ZNF609: variants seen among roughly 807,000 people sequenced by gnomAD.
ZNF609 encodes the protein zinc finger protein 609.
A neutral mutation model predicts 109.5 loss-of-function variants in ZNF609; 11 were observed. The observed-to-expected ratio is 0.10, with a 90% CI of 0.06 to 0.17. ZNF609 has a LOEUF of 0.17. ZNF609 is among the 10% of genes least tolerant of loss of function. ZNF609 has a pLI of 1.00. For missense variants in ZNF609, 1,559 were observed against 1,772.4 expected (o/e 0.88, Z 2.16); for synonymous variants, 646 against 662.0 (o/e 0.98, Z 0.37).
At chr15:64,563,336 GC>G (rs1173309331) in intron 2 of ZNF609, among the ~76,000 whole-genome samples, 1 of 282 alleles carries the variant, frequency 3.5e-3, no homozygotes, top group African/African-American at 8.9e-3. Context: ...TGTAGTCCCA[GC>G]TCCCTCGGGA....
chr15:64,594,453 C>T (rs1895356592), intron 2 of ZNF609, among the ~76,000 whole-genome samples: 1 of 151,842 alleles, frequency 6.6e-6, no homozygotes, highest in South Asian at 2.1e-4. Context: ...TCACCTCAGC[C>T]ACCTCAGTAG....
intron 2 of ZNF609, among the ~76,000 whole-genome samples, chr15:64,570,715 T>C (rs1215311033): frequency 6.6e-6 from 1 of 152,168 alleles, no homozygotes; most frequent in Non-Finnish European, 1.5e-5. Flanking sequence ...TGTTATGTTT[T>C]TTTGGATTAG....
intron 2 of ZNF609, among the ~76,000 whole-genome samples, chr15:64,527,412 G>A (rs1893982979): frequency 6.6e-6 from 1 of 150,444 alleles, no homozygotes; most frequent in Non-Finnish European, 1.5e-5. Flanking sequence ...TATTCTCAGT[G>A]TTAAGACCAG....
rs1164828407 is a variant in ZNF609 at position 64,675,347 on chromosome 15, T to G, written c.2493T>G (p.Asn831Lys). Reference protein sequence around the residue: ...PLTPLHVVTQNGAEASSVKTN... With the variant: ...PLTPLHVVTQKGAEASSVKTN... Reference sequence around the variant, plus strand: ...CTCCCTTACATGTGGTGACCCAGAATGGAGCTGAAGCCAGCTCAGTCAAAA... The same window carrying G: ...CTCCCTTACATGTGGTGACCCAGAAGGGAGCTGAAGCCAGCTCAGTCAAAA... Residue 831 changes from asparagine to lysine, a missense_variant, in exon 5 of 10, where the codon AAT becomes AAG. Coordinates refer to ENST00000326648, the MANE Select transcript of ZNF609 (RefSeq NM_015042.2). 6.2e-7 allele frequency: 1 copy of G among 1,613,998 alleles called. No individual in the cohort carries two copies.
rs550923589 is a variant in ZNF609, at chr15:64,518,062, G to A, written c.747+17896G>A. On this transcript the variant is annotated intron_variant, in intron 2 of 9. Coordinates refer to ENST00000326648, the MANE Select transcript of ZNF609 (RefSeq NM_015042.2). ...CTCCCAAAGTGCTGGGATTACAAGC[G>A]TGAGCCATCGTGCTGGGTTCCTGGA... Among the ~76,000 whole-genome samples the A allele has an allele frequency of 3.9e-5, 6 of 152,324 alleles. No individual in the cohort carries two copies. In the South Asian group the frequency reaches 1.2e-3, roughly 32 times the overall value.
intron 2 of ZNF609, among the ~76,000 whole-genome samples, chr15:64,519,043 A>G (rs1034516840): frequency 1.3e-5 from 2 of 150,122 alleles, no homozygotes; most frequent in African/African-American, 4.9e-5. Context: ...TTACACTATT[A>G]AAATTATAAA....
At chr15:64,618,253 C>T (rs1241721055) in intron 2 of ZNF609, among the ~76,000 whole-genome samples, 1 of 152,102 alleles carries the variant, frequency 6.6e-6, no homozygotes, top group Non-Finnish European at 1.5e-5. Context: ...GGAAAAGTTC[C>T]CTTGTCCCCC....
rs571918335 is a variant in ZNF609, at chr15:64,547,267, A to G, written c.747+47101A>G. Among the ~76,000 whole-genome samples, 3 of 152,192 alleles carry G rather than the reference A, an allele frequency of 2.0e-5. No individual in the cohort carries two copies. In the East Asian group the frequency reaches 5.8e-4, roughly 29 times the overall value. On this transcript the variant is annotated intron_variant, in intron 2 of 9. Transcript: ENST00000326648. ...TTTCCTAGGCTTTTTGGAGATAGTC[A>G]TGGTGTTAATATTGGACTTACTCAA...
chr15:64,489,583 G>C (rs1402074073), intron 1 of ZNF609, among the ~76,000 whole-genome samples: 4 of 145,530 alleles, frequency 2.7e-5, no homozygotes, highest in Non-Finnish European at 6.0e-5. Context: ...AGGCTGGAGT[G>C]CAGAGGCGTG....
chr15:64,460,807 C>T lies in ZNF609; in HGVS notation c.-159C>T. On this transcript the variant is annotated 5_prime_UTR_variant, in exon 1 of 10. Transcript: ENST00000326648. The stretch of plus-strand genomic sequence containing the variant: ...TCTACGGCCCGGGGCCCCGGGCGGG[C>T]GGAGGTGGCGGCTCCCGGGACCGGC... 1 of 146,370 alleles carries T rather than the reference C, an allele frequency of 6.8e-6. No homozygotes were observed. The highest frequency in any genetic ancestry group is 1.5e-5 in the Non-Finnish European group (1 of 66,746). 9.1% of individuals were successfully genotyped at this position (146,370 alleles called of 1,614,324 possible).
intron 4 of ZNF609, among the ~76,000 whole-genome samples, chr15:64,672,253 C>A (rs555722376): frequency 6.7e-6 from 1 of 149,566 alleles, no homozygotes; most frequent in Non-Finnish European, 1.5e-5. Context: ...ACCTCGTGAT[C>A]CTCCCGCCTC....
chr15:64,548,236 G>A (rs1000770218), intron 2 of ZNF609, among the ~76,000 whole-genome samples: 3 of 152,168 alleles, frequency 2.0e-5, no homozygotes, highest in African/African-American at 7.2e-5. Context: ...GCCTTACCAA[G>A]TTGCATAATT....
At position 64,674,988 on chromosome 15, in the gene ZNF609, G is replaced by C. The variant is rs1233171815; in HGVS notation, c.2134G>C (p.Gly712Arg). The C allele has an allele frequency of 6.2e-7, 1 of 1,613,998 alleles. No homozygotes were observed. Among genetic ancestry groups the C allele is most frequent in the Non-Finnish European group, 8.5e-7 (1 of 1,180,032 alleles). Reference sequence around the variant, plus strand: ...CATTCAGCCCAAGCCCACTGTTATGGGAGAACCTTTCACAGTCAACCCTGC... The same window carrying C: ...CATTCAGCCCAAGCCCACTGTTATGCGAGAACCTTTCACAGTCAACCCTGC... ...KPIQPKPTVM[G>R]EPFTVNPALT... The change falls in exon 5 of 10, where the codon GGA becomes CGA. Residue 712 changes from glycine (G) to arginine (R), a missense_variant. Physicochemically the swap from Gly to Arg is moderately radical, Grantham distance 125 (BLOSUM62 -2). This residue lies in a region of ZNF609 where 1,204 missense variants were observed against 1,314.1 expected (regional missense o/e 0.92). Coordinates refer to ENST00000326648, the MANE Select transcript of ZNF609 (RefSeq NM_015042.2).
intron 2 of ZNF609, among the ~76,000 whole-genome samples, chr15:64,618,960 G>C (rs1253268340): frequency 1.3e-5 from 2 of 152,080 alleles, no homozygotes; most frequent in Admixed American, 1.3e-4. Context: ...TATCTACCTA[G>C]GTCCGTGGAC....
chr15:64,677,214 C>G (rs1896821189), intron 5 of ZNF609, among the ~76,000 whole-genome samples: 1 of 152,032 alleles, frequency 6.6e-6, no homozygotes, highest in South Asian at 2.1e-4. Flanking sequence ...CAGATGCATG[C>G]CACCACACCC....
chr15:64,673,153 A>G (rs1896760940), intron 4 of ZNF609, among the ~76,000 whole-genome samples: 1 of 152,222 alleles, frequency 6.6e-6, no homozygotes, highest in Admixed American at 6.5e-5. Flanking sequence ...GCTTTACAGT[A>G]GAACTGTTCT....
At chr15:64,600,449 CAAAAAAAAAAAAAAAAA>C (rs1895476956) in intron 2 of ZNF609, among the ~76,000 whole-genome samples, 1 of 53,822 alleles carries the variant, frequency 1.9e-5, no homozygotes, top group African/African-American at 6.6e-5. Context: ...GGCTGTGTCT[CAAAAAAAAAAAAAAAAA>C]GAAAAAAAAA....
intron 1 of ZNF609, among the ~76,000 whole-genome samples, chr15:64,476,375 TA>T (rs1202029156): frequency 2.0e-5 from 3 of 151,432 alleles, no homozygotes; most frequent in Non-Finnish European, 4.4e-5. Context: ...AGAAAGGTAA[TA>T]TATGATATGG....
At chr15:64,606,415 T>C (rs113037933) in intron 2 of ZNF609, among the ~76,000 whole-genome samples, 18,948 of 150,098 alleles carry the variant, frequency 0.13, 1,869 homozygotes, top group African/African-American at 0.28. Flanking sequence ...AAAAATTTAG[T>C]TGGGCATAGT....
Sources: gnomAD v4.1 joint callset for allele counts (sites outside exome capture counted in the v4.1 genomes callset) on GRCh38, gnomAD v4.1.1 for gene constraint, gnomAD v4.1.1 regional missense constraint, MANE v1.5 for transcripts, NCBI Gene and HGNC (gene_info 2026-07-23, HGNC 2026-07-21) for gene names.